MAP3K2: variants seen among roughly 807,000 people sequenced by gnomAD.
MAP3K2 encodes MAP/ERK kinase kinase 2.
A neutral mutation model predicts 80.3 loss-of-function variants in MAP3K2; 24 were observed. The observed-to-expected ratio is 0.30, with a 90% CI of 0.22 to 0.42. MAP3K2 has a LOEUF of 0.42. Ranked by LOEUF, MAP3K2 falls within the 10% of genes least tolerant of loss-of-function variation. MAP3K2 has a pLI of 1.00. For synonymous variants in MAP3K2, 244 were observed against 253.7 expected, an observed-to-expected ratio of 0.96 and a Z score of 0.36; for missense variants, 608 against 750.1, an observed-to-expected ratio of 0.81 and a Z score of 2.21.
At chr2:127,363,524 T>C (rs1477818143) in intron 1 of MAP3K2, among the ~76,000 whole-genome samples, 1 of 152,148 alleles carries the variant, frequency 6.6e-6, no homozygotes, top group African/African-American at 2.4e-5. Flanking sequence ...TCAAACACAG[T>C]ACTTCTCAGT....
chr2:127,308,761 G>T lies in MAP3K2; in HGVS notation c.1458C>A (p.Gly486=). Residue 486 remains glycine (G), a splice_region_variant and synonymous_variant, in exon 16 of 17, where the codon GGC becomes GGA. Transcript: ENST00000682094. ...CTGTTGAATCTCGCAGGATATTTGC[G>T]CCTAAAAATAAGACATTGCCTCATT... ...SNMIVHRDIK[G]ANILRDSTGN... 6.2e-7 allele frequency: 1 copy of T among 1,611,774 alleles called. No individual in the cohort carries two copies. Among genetic ancestry groups the T allele is most frequent in the Non-Finnish European group, 8.5e-7 (1 of 1,178,612 alleles).
At chr2:127,311,595 C>T (rs1685809052) in intron 15 of MAP3K2, among the ~76,000 whole-genome samples, 1 of 152,176 alleles carries the variant, frequency 6.6e-6, no homozygotes, top group South Asian at 2.1e-4. Context: ...CCAGCCTCAA[C>T]ATCCATCTGG....
At chr2:127,309,040 A>G (rs867036976) in intron 15 of MAP3K2, among the ~76,000 whole-genome samples, 14 of 152,218 alleles carry the variant, frequency 9.2e-5, no homozygotes, top group Middle Eastern at 3.4e-3. Flanking sequence ...GTGGGGGTGA[A>G]GAGGAGGAGA....
chr2:127,345,668 A>C (rs1393424835), intron 1 of MAP3K2, among the ~76,000 whole-genome samples: 3 of 152,234 alleles, frequency 2.0e-5, no homozygotes, highest in Non-Finnish European at 2.9e-5. Context: ...AAATCACACA[A>C]AGTGTGTTCT....
intron 1 of MAP3K2, among the ~76,000 whole-genome samples, chr2:127,378,809 CAGACCGGAA>C (rs1256458662): frequency 2.6e-5 from 4 of 152,032 alleles, no homozygotes; most frequent in African/African-American, 9.7e-5. Flanking sequence ...CTCTGTTACC[CAGACCGGAA>C]AGCAGCGGCA....
intron 1 of MAP3K2, among the ~76,000 whole-genome samples, chr2:127,376,294 G>A (rs908318242): frequency 3.5e-5 from 5 of 142,736 alleles, no homozygotes; most frequent in African/African-American, 7.8e-5. Context: ...AATCATCCAC[G>A]TGCAGGACTA....
At chr2:127,386,322 C>T (rs999606480) in intron 1 of MAP3K2, among the ~76,000 whole-genome samples, 30 of 152,164 alleles carry the variant, frequency 2.0e-4, no homozygotes, top group Admixed American at 2.0e-3. Context: ...AACTTATAAA[C>T]ACTGACTAGT....
At chr2:127,318,392 C>A in intron 12 of MAP3K2, 75 bp from the exon 13 acceptor site, 2 of 1,160,862 alleles carry the variant, frequency 1.7e-6, no homozygotes, top group Non-Finnish European at 2.3e-6. Flanking sequence ...AATGAGCATA[C>A]TGCATTAGTG....
intron 1 of MAP3K2, among the ~76,000 whole-genome samples, chr2:127,348,352 C>T (rs147030416): frequency 7.9e-5 from 12 of 152,006 alleles, no homozygotes; most frequent in Non-Finnish European, 1.6e-4. Flanking sequence ...TACGCCACTA[C>T]ACTCCAGCCT....
rs558249433 is a variant in MAP3K2, at chr2:127,335,772, A to T, written c.264+98T>A. Reference sequence around the variant, plus strand: ...CCTTCTGACATACCATATATTTATCAATCCCTAAATAAAAACACGAGTCTT... The same window carrying T: ...CCTTCTGACATACCATATATTTATCTATCCCTAAATAAAAACACGAGTCTT... On this transcript the variant is annotated intron_variant, in intron 5 of 16. Coordinates refer to ENST00000682094, the MANE Select transcript of MAP3K2 (RefSeq NM_001371910.2). 1.7e-5 allele frequency: 10 copies of T among 602,842 alleles called. 1 individual carries two copies. In the East Asian group the frequency reaches 2.8e-4, roughly 17 times the overall value. The allele number at this position is 602,842 out of a possible 1,614,324, so 37.3% of individuals were successfully genotyped here.
intron 11 of MAP3K2, among the ~76,000 whole-genome samples, chr2:127,323,529 A>T (rs183380649): frequency 0.012 from 1,797 of 152,080 alleles, 34 homozygotes; most frequent in African/African-American, 0.041. Flanking sequence ...TACAAAAAAA[A>T]TTTTTTAATT....
In MAP3K2 at chr2:127,322,048, C is replaced by G; in HGVS notation, c.1043G>C (p.Arg348Pro). 6.2e-7 allele frequency: 1 copy of G among 1,611,642 alleles called. No individual in the cohort carries two copies. The highest frequency in any genetic ancestry group is 8.5e-7 in the Non-Finnish European group (1 of 1,178,622). ...CTATACCAAGTTCTATTACTTACAACGGCTGGGTGGGCTGATGTCCATTAC... is the reference window on the plus strand; with the variant it reads ...CTATACCAAGTTCTATTACTTACAAGGGCTGGGTGGGCTGATGTCCATTAC... ...LTVMDISPPS[R>P]SPRAPTNWRL... is the part of the protein sequence containing the mutation. The change falls in exon 12 of 17, where the codon CGT becomes CCT. Residue 348 changes from arginine to proline, a missense_variant and splice_region_variant. Around this residue, in one of 4 missense-constraint regions of MAP3K2, gnomAD observed 467 missense variants for 521.9 expected, o/e 0.89. Transcript: ENST00000682094. The surrounding 1 kb of genome is among the most constrained non-coding windows in gnomAD (Gnocchi z 4.2).
At chr2:127,336,421 G>A (rs1410628349) in intron 4 of MAP3K2, among the ~76,000 whole-genome samples, 1 of 152,110 alleles carries the variant, frequency 6.6e-6, no homozygotes, top group Non-Finnish European at 1.5e-5. Flanking sequence ...ATATCATGTA[G>A]GCATACTTCC....
chr2:127,330,376 A>T lies in MAP3K2; in HGVS notation c.378+16T>A. 1 of 1,339,064 alleles carries T rather than the reference A, an allele frequency of 7.5e-7. No individual in the cohort carries two copies. The allele number at this position is 1,339,064 out of a possible 1,614,324, so 82.9% of individuals were successfully genotyped here. ...AGTCCTATAATTCTTACTGAAAAAA[A>T]TATCCCAAATCATACCTGTGTACTT... On this transcript the variant is annotated intron_variant, in intron 6 of 16. Coordinates refer to ENST00000682094, the MANE Select transcript of MAP3K2 (RefSeq NM_001371910.2).
intron 1 of MAP3K2, among the ~76,000 whole-genome samples, chr2:127,387,035 A>G (rs1298277925): frequency 6.6e-6 from 1 of 152,170 alleles, no homozygotes; most frequent in African/African-American, 2.4e-5. Context: ...GAGCACCCTA[A>G]GTGCTACCTA....
chr2:127,324,363 C>T, intron 9 of MAP3K2, 122 bp from the exon 10 acceptor site: 2 of 549,734 alleles, frequency 3.6e-6, no homozygotes, highest in Non-Finnish European at 6.3e-6. Flanking sequence ...AAGGAGCTCA[C>T]TTTGAAAGGT....
intron 2 of MAP3K2, among the ~76,000 whole-genome samples, chr2:127,341,115 G>A (rs562163036): frequency 3.3e-5 from 5 of 151,490 alleles, no homozygotes; most frequent in South Asian, 2.1e-4. Flanking sequence ...TCAGCCTCCC[G>A]AGTAGCTGGG....
chr2:127,312,294 T>C (rs1685821761), intron 15 of MAP3K2, among the ~76,000 whole-genome samples: 1 of 152,200 alleles, frequency 6.6e-6, no homozygotes, highest in Non-Finnish European at 1.5e-5. Context: ...GAAGAGCAAC[T>C]AGTTCTTGAA....
At chr2:127,383,240 G>A (rs1687280133) in intron 1 of MAP3K2, among the ~76,000 whole-genome samples, 1 of 152,174 alleles carries the variant, frequency 6.6e-6, no homozygotes, top group African/African-American at 2.4e-5. Context: ...ATTTCAACAT[G>A]AGACTTGGAG....
Sources: gnomAD v4.1 joint callset for allele counts (sites outside exome capture counted in the v4.1 genomes callset) on GRCh38, gnomAD v4.1.1 for gene constraint, gnomAD v4.1.1 regional missense constraint, Gnocchi (gnomAD v3.1) non-coding constraint, MANE v1.5 for transcripts, NCBI Gene and HGNC (gene_info 2026-07-23, HGNC 2026-07-21) for gene names.